The following EOMES variants were observed in gnomAD, a reference collection of about 807,000 sequenced individuals.
The protein encoded by EOMES is eomesodermin, also known as eomesodermin homolog.
Under a neutral mutation model 61.0 loss-of-function variants are expected in EOMES, and 18 were observed. The observed-to-expected ratio is 0.30, with a 90% CI of 0.20 to 0.44. The LOEUF is 0.44. Among genes scored for constraint, EOMES ranks in the 20% least tolerant of loss-of-function variants. The pLI, the probability that EOMES is intolerant of heterozygous loss-of-function variation, is 1.00. For synonymous variants in EOMES, 430 were observed against 394.0 expected, an observed-to-expected ratio of 1.09 and a Z score of -1.08; for missense variants, 885 against 939.2, an observed-to-expected ratio of 0.94 and a Z score of 0.75.
Position 27,722,067 on chromosome 3 carries a change from G to C in EOMES, c.228C>G (p.Pro76=). ...GEPAAASAGA[P]AAMLSDTDAG... The stretch of plus-strand genomic sequence containing the variant: ...CGTCGGTGTCACTAAGCATGGCCGC[G>C]GGGGCCCCTGCGCTGGCGGCTGCGG... Residue 76 remains proline, a synonymous_variant, in exon 1 of 6, where the codon CCC becomes CCG. Transcript: ENST00000449599. The C allele has an allele frequency of 6.5e-7, 1 of 1,545,434 alleles. No individual in the cohort carries two copies.
intron 2 of EOMES, among the ~76,000 whole-genome samples, 181 bp downstream of exon 2, chr3:27,719,990 T>G (rs1284392104): frequency 6.6e-6 from 1 of 152,134 alleles, no homozygotes; most frequent in Non-Finnish European, 1.5e-5. Flanking sequence ...ACAAGAAATC[T>G]GACTTAGCAA....
In EOMES at chr3:27,720,335, G is replaced by T. The variant is rs1457268200; in HGVS notation, c.882-10C>A. 6.2e-7 allele frequency: 1 copy of T among 1,613,452 alleles called. No individual in the cohort carries two copies. The highest frequency in any genetic ancestry group is 8.5e-7 in the Non-Finnish European group (1 of 1,179,492). ...GAAAGGAAACATGCGCCTGTGCAAGGGAATAGAATCAGAAAAATCGATTTT... is the reference window on the plus strand; with the variant it reads ...GAAAGGAAACATGCGCCTGTGCAAGTGAATAGAATCAGAAAAATCGATTTT... On this transcript the variant is annotated splice_polypyrimidine_tract_variant and intron_variant, in intron 1 of 5. Coordinates refer to ENST00000449599, the MANE Select transcript of EOMES (RefSeq NM_001278182.2).
At chr3:27,720,050 T>C (rs2060599168) in intron 2 of EOMES, 121 bp downstream of exon 2, 2 of 930,632 alleles carry the variant, frequency 2.1e-6, no homozygotes, top group Admixed American at 4.9e-5. Flanking sequence ...TACTAACACC[T>C]CTAGGCCTCA....
intron 1 of EOMES, among the ~76,000 whole-genome samples, chr3:27,720,590 A>T (rs2060604971): frequency 1.4e-5 from 2 of 141,888 alleles, no homozygotes; most frequent in South Asian, 2.3e-4. Context: ...CAACATCGGT[A>T]TATTCCAAAT....
intron 3 of EOMES, among the ~76,000 whole-genome samples, 199 bp downstream of exon 3, chr3:27,719,161 T>C (rs113855073): frequency 1.6e-4 from 25 of 152,184 alleles, no homozygotes; most frequent in Non-Finnish European, 1.6e-4. Flanking sequence ...CTGTTCTTAA[T>C]AGTCAACTCA....
chr3:27,722,072 C>G lies in EOMES; in HGVS notation c.223G>C (p.Ala75Pro), dbSNP rs1174591076. ...GTGTCACTAAGCATGGCCGCGGGGG[C>G]CCCTGCGCTGGCGGCTGCGGGCTCC... ...SGEPAAASAG[A>P]PAAMLSDTDA... Residue 75 changes from alanine (A) to proline (P), a missense_variant, in exon 1 of 6, where the codon GCC (alanine) becomes CCC (proline). Coordinates refer to ENST00000449599, the MANE Select transcript of EOMES (RefSeq NM_001278182.2). 4.5e-6 allele frequency: 7 copies of G among 1,546,840 alleles called. No homozygotes were observed. The highest frequency in any genetic ancestry group is 2.0e-5 in the Admixed American group (1 of 50,784).
chr3:27,719,235 A>C (rs1458869978), intron 3 of EOMES, 125 bp downstream of exon 3: 9 of 1,003,488 alleles, frequency 9.0e-6, no homozygotes, highest in Non-Finnish European at 1.2e-5. Context: ...AATGGTTAGA[A>C]ATAGGCGAGC....
chr3:27,718,539 G>A (rs1165417023), intron 5 of EOMES, 48 bp downstream of exon 5: 1 of 1,252,756 alleles, frequency 8.0e-7, no homozygotes, highest in East Asian at 2.3e-5. Flanking sequence ...GTTGATGTAT[G>A]TCCTGCTCAG....
At chr3:27,718,712 C>T in intron 4 of EOMES, 23 bp downstream of exon 4, 1 of 1,613,938 alleles carries the variant, frequency 6.2e-7, no homozygotes, top group Non-Finnish European at 8.5e-7. Flanking sequence ...TTTAGAGATT[C>T]TTGAGATGTC....
chr3:27,722,501 G>C, upstream of EOMES: 2 of 1,350,218 alleles, frequency 1.5e-6, no homozygotes, highest in Non-Finnish European at 1.9e-6. Flanking sequence ...GAAGGAAAGC[G>C]CCGTGAGTTG....
In EOMES at chr3:27,719,405, T is replaced by C. The variant is rs762795782; in HGVS notation, c.1113A>G (p.Lys371=). The change falls in exon 3 of 6, where the codon AAA becomes AAG. Residue 371 remains lysine (K), a synonymous_variant. Coordinates refer to ENST00000449599, the MANE Select transcript of EOMES (RefSeq NM_001278182.2). ...CGCCTTTGTTATTGGTGAGTTTTAA[T>C]TTCCCGAATGAAATCTCCTGTCTCA... ...HWMRQEISFG[K]LKLTNNKGAN... The C allele has an allele frequency of 7.4e-6, 12 of 1,613,842 alleles. No individual in the cohort carries two copies. The Admixed American group carries it at 1.2e-4, about 16-fold the overall frequency.
upstream of EOMES, chr3:27,722,611 G>T: frequency 8.7e-7 from 1 of 1,149,026 alleles, no homozygotes. Context: ...CTCACACGCT[G>T]GAAGAAGGTG....
Position 27,722,127 on chromosome 3 carries a change from G to A in EOMES, c.168C>T (p.Ser56=), listed in dbSNP as rs1188680381. The A allele has an allele frequency of 1.3e-6, 2 of 1,554,794 alleles. No homozygotes were observed. Among genetic ancestry groups the A allele is most frequent in the Non-Finnish European group, 1.7e-6 (2 of 1,149,644 alleles). Residue 56 remains serine (S), a synonymous_variant, in exon 1 of 6, where the codon TCC becomes TCT. Coordinates refer to ENST00000449599, the MANE Select transcript of EOMES (RefSeq NM_001278182.2). The part of the protein sequence containing the change: ...LDLDKASKKF[S]GSLSCEAVSG... ...TCACCGCCTCGCAGGAGAGACTGCC[G>A]GAAAACTTCTTGGACGCTTTGTCTA...
In EOMES at chr3:27,721,657, C is replaced by A; in HGVS notation, c.638G>T (p.Gly213Val). The A allele has an allele frequency of 1.9e-6, 3 of 1,539,696 alleles. No homozygotes were observed. The highest frequency in any genetic ancestry group is 2.6e-6 in the Non-Finnish European group (3 of 1,145,902). ...PGRAQFGPGA[G>V]AGSGAGGSSG... The stretch of plus-strand genomic sequence containing the variant: ...GCTACCGCCCGCGCCACTGCCCGCA[C>A]CGGCTCCTGGGCCGAACTGCGCCCT... The change falls in exon 1 of 6, where the codon GGT becomes GTT. Residue 213 changes from glycine to valine, a missense_variant. Transcript: ENST00000449599. This position sits in a 1 kb window ranked among gnomAD's most constrained non-coding sequence, Gnocchi z 7.4.
intron 3 of EOMES, 115 bp downstream of exon 3, chr3:27,719,245 C>G: frequency 3.7e-6 from 4 of 1,091,626 alleles, no homozygotes; most frequent in Non-Finnish European, 4.0e-6. Flanking sequence ...AATAGGCGAG[C>G]AAACAGGTCA....
At chr3:27,722,410 C>T (rs1299895457), upstream of EOMES, 8 of 1,365,902 alleles carry the variant, frequency 5.9e-6, no homozygotes, top group Non-Finnish European at 7.5e-6. Flanking sequence ...TCCCCTTCCT[C>T]CCGCGCCGGG....
chr3:27,717,755 G>C lies in EOMES; in HGVS notation c.1433C>G (p.Pro478Arg). 6.2e-7 allele frequency: 1 copy of C among 1,613,220 alleles called. No individual in the cohort carries two copies. The highest frequency in any genetic ancestry group is 2.2e-5 in the East Asian group (1 of 44,874). Residue 478 changes from proline to arginine, a missense_variant, in exon 6 of 6, where the codon CCT becomes CGT. Around this residue, in one of 3 missense-constraint regions of EOMES, gnomAD observed 259 missense variants for 282.3 expected, o/e 0.92. Coordinates refer to ENST00000449599, the MANE Select transcript of EOMES (RefSeq NM_001278182.2). The surrounding 1 kb of genome is among the most constrained non-coding windows in gnomAD (Gnocchi z 4.5). ...DRLTPSPTDS[P>R]RSHQIVPGGR... The stretch of plus-strand genomic sequence containing the variant: ...TCCAGGGACAATCTGATGGGATCTA[G>C]GAGAATCCGTGGGAGATGGAGTTAA...
intron 2 of EOMES, among the ~76,000 whole-genome samples, chr3:27,719,862 T>G (rs2060597512): frequency 6.6e-6 from 1 of 151,968 alleles, no homozygotes; most frequent in Non-Finnish European, 1.5e-5. Context: ...AAGTGAACAT[T>G]AGAATCCCAG....
Position 27,717,372 on chromosome 3 carries a change from C to T in EOMES, c.1816G>A (p.Ala606Thr), listed in dbSNP as rs1559925811. The T allele has an allele frequency of 1.2e-6, 2 of 1,614,078 alleles. No homozygotes were observed. The highest frequency in any genetic ancestry group is 1.7e-6 in the Non-Finnish European group (2 of 1,180,018). Residue 606 changes from alanine to threonine, a missense_variant, in exon 6 of 6, where the codon GCT (alanine) becomes ACT (threonine). Physicochemically the swap from Ala to Thr is moderately conservative, Grantham distance 58. Around this residue, in one of 3 missense-constraint regions of EOMES, gnomAD observed 259 missense variants for 282.3 expected, o/e 0.92. Transcript: ENST00000449599. The surrounding 1 kb of genome is among the most constrained non-coding windows in gnomAD (Gnocchi z 4.5). ...GTTCTGGAGGTCCATGGTAGTCCAGCTGCCATCTTCCTCTGGTAAGAACCT... is the reference window on the plus strand; with the variant it reads ...GTTCTGGAGGTCCATGGTAGTCCAGTTGCCATCTTCCTCTGGTAAGAACCT... ...GRGSYQRKMA[A>T]GLPWTSRTSP...
Sources: allele counts gnomAD v4.1 joint callset (sites outside exome capture counted in the v4.1 genomes callset), GRCh38; gene constraint gnomAD v4.1.1; regional missense constraint gnomAD v4.1.1; non-coding constraint Gnocchi (gnomAD v3.1); transcripts MANE v1.5; gene names NCBI Gene and HGNC (gene_info 2026-07-23, HGNC 2026-07-21).